Variants in PPM1H observed in about 807,000 individuals in gnomAD.
PPM1H encodes the protein protein phosphatase, Mg2+/Mn2+ dependent 1H, also known as protein phosphatase 1H.
In PPM1H, 27 loss-of-function variants were observed where a neutral mutation model predicts 54.9. The ratio of observed to expected loss-of-function variants is 0.49; its 90% CI spans 0.36 to 0.68. PPM1H has a LOEUF of 0.68. Ranked by LOEUF, PPM1H falls within the 30% of genes least tolerant of loss-of-function variation. PPM1H has a pLI of 0.00. For synonymous variants in PPM1H, 305 were observed against 270.8 expected, an observed-to-expected ratio of 1.13 and a Z score of -1.24; for missense variants, 596 against 667.8, an observed-to-expected ratio of 0.89 and a Z score of 1.19.
intron 7 of PPM1H, among the ~76,000 whole-genome samples, chr12:62,690,889 T>G (rs758658110): frequency 6.6e-6 from 1 of 152,194 alleles, no homozygotes; most frequent in Non-Finnish European, 1.5e-5. Context: ...GAGAATCACT[T>G]GAACCTGGAA....
chr12:62,673,713 C>CTTTTTTTTTT (rs1192243731), intron 8 of PPM1H, among the ~76,000 whole-genome samples: 2 of 47,566 alleles, frequency 4.2e-5, no homozygotes, highest in Non-Finnish European at 8.9e-5. Context: ...AGAAGAGCCA[C>CTTTTTTTTTT]TCTTTTTTTT....
intron 1 of PPM1H, among the ~76,000 whole-genome samples, chr12:62,916,725 T>C (rs1480606530): frequency 6.6e-6 from 1 of 152,066 alleles, no homozygotes; most frequent in Non-Finnish European, 1.5e-5. Flanking sequence ...CTGAAGCAGT[T>C]CTGGTATAAA....
intron 1 of PPM1H, among the ~76,000 whole-genome samples, chr12:62,837,251 A>G (rs1868529241): frequency 1.3e-5 from 2 of 152,224 alleles, no homozygotes; most frequent in African/African-American, 4.8e-5. Context: ...GACTTCAAGG[A>G]CACTCATCTG....
At chr12:62,717,587 A>AT (rs576758051) in intron 6 of PPM1H, among the ~76,000 whole-genome samples, 65 of 150,206 alleles carry the variant, frequency 4.3e-4, no homozygotes, top group South Asian at 2.3e-3. Context: ...ACTTAGCTAC[A>AT]TTTTTTTTTT....
At chr12:62,819,991 G>A (rs1016907177) in intron 2 of PPM1H, among the ~76,000 whole-genome samples, 7 of 152,228 alleles carry the variant, frequency 4.6e-5, no homozygotes, top group African/African-American at 1.4e-4. Context: ...CCTGGGAAGC[G>A]CAAGGGGTCG....
chr12:62,676,215 G>A (rs2075985067), intron 8 of PPM1H, among the ~76,000 whole-genome samples: 1 of 152,172 alleles, frequency 6.6e-6, no homozygotes, highest in African/African-American at 2.4e-5. Flanking sequence ...CACACAACCT[G>A]AGACTACAAT....
intron 9 of PPM1H, among the ~76,000 whole-genome samples, chr12:62,662,862 C>A (rs560406473): frequency 6.6e-6 from 1 of 152,272 alleles, no homozygotes; most frequent in South Asian, 2.1e-4. Flanking sequence ...CTCTTCTCCT[C>A]TCAAAGTAAC....
chr12:62,934,574 C>G lies in PPM1H; in HGVS notation c.163G>C (p.Glu55Gln). ...EFLGLSQDEV[E>Q]CSADHIARPI... Reference sequence around the variant, plus strand: ...CGGGCGATGTGGTCGGCGCTGCACTCCACCTCGTCCTGAGACAGCCCCAGG... The same window carrying G: ...CGGGCGATGTGGTCGGCGCTGCACTGCACCTCGTCCTGAGACAGCCCCAGG... Residue 55 changes from glutamate (E) to glutamine (Q), a missense_variant, in exon 1 of 10, where the codon GAG becomes CAG. By Grantham distance (29) the Glu-to-Gln change is conservative (BLOSUM62 2). Coordinates refer to ENST00000228705, the MANE Select transcript of PPM1H (RefSeq NM_020700.2). The surrounding 1 kb of genome is among the most constrained non-coding windows in gnomAD (Gnocchi z 4.2). 1 of 1,559,212 alleles carries G rather than the reference C, an allele frequency of 6.4e-7. No homozygotes were observed. The highest frequency in any genetic ancestry group is 1.2e-5 in the South Asian group (1 of 84,684).
intron 2 of PPM1H, among the ~76,000 whole-genome samples, chr12:62,818,795 A>G (rs2076885065): frequency 6.6e-6 from 1 of 151,146 alleles, no homozygotes; most frequent in Admixed American, 6.6e-5. Context: ...TTCATCAAAT[A>G]TCTCAAAATG....
rs751473016 is a variant in PPM1H, at chr12:62,802,110, C to T, written c.462G>A (p.Ala154=). 36 of 1,599,072 alleles carry T rather than the reference C, an allele frequency of 2.3e-5. No homozygotes were observed. In the African/African-American group the frequency reaches 4.4e-4, roughly 20 times the overall value. The change falls in exon 3 of 10, where the codon GCG becomes GCA. Residue 154 remains alanine (A), a synonymous_variant. Transcript: ENST00000228705. ...CHYWSLFDGH[A]GSGAAVVASR... ...ACGCCACCACCGCGGCCCCGGACCCCGCGTGCCCGTCAAACAGCGACCAAT... is the reference window on the plus strand; with the variant it reads ...ACGCCACCACCGCGGCCCCGGACCCTGCGTGCCCGTCAAACAGCGACCAAT...
intron 8 of PPM1H, among the ~76,000 whole-genome samples, chr12:62,689,493 A>G (rs1177641910): frequency 6.6e-6 from 1 of 152,220 alleles, no homozygotes; most frequent in Non-Finnish European, 1.5e-5. Context: ...GAGGCTGTGC[A>G]GCCATCTGGG....
intron 3 of PPM1H, among the ~76,000 whole-genome samples, chr12:62,798,707 T>C (rs2076750031): frequency 6.6e-6 from 1 of 152,208 alleles, no homozygotes; most frequent in East Asian, 1.9e-4. Flanking sequence ...CTCATTCACC[T>C]GCCATTGCTA....
At chr12:62,721,752 G>A (rs1180198350) in intron 5 of PPM1H, among the ~76,000 whole-genome samples, 1 of 152,116 alleles carries the variant, frequency 6.6e-6, no homozygotes, top group African/African-American at 2.4e-5. Context: ...TTGGGCCTCA[G>A]TTTATCTGTA....
intron 1 of PPM1H, chr12:62,840,085 G>GAA (rs71450595): frequency 2.4e-5 from 3 of 123,694 alleles, no homozygotes; most frequent in African/African-American, 1.3e-4. Context: ...GAGAGAGAGA[G>GAA]CGAGAGAAAT....
intron 1 of PPM1H, among the ~76,000 whole-genome samples, chr12:62,905,851 C>G (rs1296578977): frequency 2.6e-5 from 4 of 152,098 alleles, no homozygotes; most frequent in Admixed American, 2.6e-4. Context: ...AGTAATAGAT[C>G]ATATGGTAGC....
intron 1 of PPM1H, among the ~76,000 whole-genome samples, chr12:62,857,889 G>C (rs1310913404): frequency 6.6e-6 from 1 of 151,958 alleles, no homozygotes; most frequent in Non-Finnish European, 1.5e-5. Context: ...GTTTCATGAG[G>C]GCAGTCATGC....
chr12:62,756,134 C>A (rs2076472882), intron 4 of PPM1H: 1 of 855,298 alleles, frequency 1.2e-6, no homozygotes, highest in Non-Finnish European at 2.0e-6. Context: ...GCATTGACCT[C>A]AACGACCACT....
At chr12:62,925,171 A>C (rs1025325446) in intron 1 of PPM1H, among the ~76,000 whole-genome samples, 1 of 152,258 alleles carries the variant, frequency 6.6e-6, no homozygotes, top group Non-Finnish European at 1.5e-5. Flanking sequence ...CTAATTAAAA[A>C]AGGGGAAACT....
At chr12:62,749,180 C>A (rs1314939453) in intron 4 of PPM1H, among the ~76,000 whole-genome samples, 1 of 152,180 alleles carries the variant, frequency 6.6e-6, no homozygotes, top group Non-Finnish European at 1.5e-5. Flanking sequence ...TGTCATCAGT[C>A]CCCTTGGAAC....
Sources: allele counts gnomAD v4.1 joint callset (sites outside exome capture counted in the v4.1 genomes callset), GRCh38; gene constraint gnomAD v4.1.1; non-coding constraint Gnocchi (gnomAD v3.1); transcripts MANE v1.5; gene names NCBI Gene and HGNC (gene_info 2026-07-23, HGNC 2026-07-21).